The following GSG1L variants were observed in gnomAD, a reference collection of about 807,000 sequenced individuals.
The protein encoded by GSG1L is germ cell-specific gene 1-like protein.
In GSG1L, 24 loss-of-function variants were observed where a neutral mutation model predicts 42.1. The observed-to-expected ratio is 0.57, with a 90% CI of 0.41 to 0.80. The LOEUF (loss-of-function observed/expected upper bound fraction) is 0.80. Ranked by LOEUF, GSG1L falls within the 30% of genes least tolerant of loss-of-function variation. GSG1L has a pLI of 0.00. For missense variants in GSG1L, 445 were observed against 472.2 expected (o/e 0.94, Z 0.53); for synonymous variants, 215 against 203.5 (o/e 1.06, Z -0.48).
intron 6 of GSG1L, among the ~76,000 whole-genome samples, chr16:27,800,959 C>T (rs966550135): frequency 6.6e-6 from 1 of 151,696 alleles, no homozygotes; most frequent in African/African-American, 2.4e-5. Flanking sequence ...AAAGAGAACC[C>T]GGTGATATGG....
At chr16:27,836,121 A>G (rs1272492075) in intron 4 of GSG1L, among the ~76,000 whole-genome samples, 1 of 152,076 alleles carries the variant, frequency 6.6e-6, no homozygotes, top group African/African-American at 2.4e-5. Flanking sequence ...TAGAATTTTA[A>G]ATTGATAGTT....
At chr16:27,941,985 G>A (rs1176033309) in intron 2 of GSG1L, among the ~76,000 whole-genome samples, 3 of 152,096 alleles carry the variant, frequency 2.0e-5, no homozygotes, top group Non-Finnish European at 2.9e-5. Context: ...TGACTACAGA[G>A]TTTCAGTTTG....
chr16:28,038,862 G>T (rs939310284), intron 1 of GSG1L, among the ~76,000 whole-genome samples: 4 of 152,096 alleles, frequency 2.6e-5, no homozygotes, highest in African/African-American at 9.7e-5. Context: ...GTAACATTCT[G>T]CCCACCTTCA....
intron 1 of GSG1L, among the ~76,000 whole-genome samples, chr16:28,031,904 C>T (rs1423304985): frequency 6.6e-6 from 1 of 152,226 alleles, no homozygotes; most frequent in Non-Finnish European, 1.5e-5. Flanking sequence ...TTCCTAATTC[C>T]TTGCCTTGAT....
intron 6 of GSG1L, among the ~76,000 whole-genome samples, chr16:27,795,146 T>C (rs886522886): frequency 5.3e-5 from 8 of 151,596 alleles, no homozygotes; most frequent in Non-Finnish European, 1.0e-4. Context: ...CCCCAGCCCC[T>C]GGCCCAGCAC....
intron 2 of GSG1L, among the ~76,000 whole-genome samples, chr16:27,894,120 C>T (rs2084162446): frequency 6.6e-6 from 1 of 152,152 alleles, no homozygotes; most frequent in Admixed American, 6.5e-5. Context: ...GACCTTAGCT[C>T]CATCAATAAC....
intron 1 of GSG1L, among the ~76,000 whole-genome samples, chr16:27,976,938 C>A (rs112331971): frequency 2.6e-5 from 4 of 152,328 alleles, no homozygotes; most frequent in Admixed American, 2.0e-4. Context: ...CAATATCACT[C>A]ATCGTATTGT....
intron 2 of GSG1L, among the ~76,000 whole-genome samples, chr16:27,930,192 C>T (rs757669490): frequency 5.3e-5 from 8 of 152,038 alleles, no homozygotes; most frequent in Non-Finnish European, 1.0e-4. Context: ...ATAACCTCAA[C>T]GCCTTCACTT....
At chr16:27,823,142 C>T (rs2083167484) in intron 5 of GSG1L, among the ~76,000 whole-genome samples, 1 of 152,116 alleles carries the variant, frequency 6.6e-6, no homozygotes. Context: ...AGCATCTGAC[C>T]CTCCCCTTGG....
At chr16:27,801,457 C>T (rs914547628) in intron 6 of GSG1L, among the ~76,000 whole-genome samples, 11 of 152,198 alleles carry the variant, frequency 7.2e-5, no homozygotes, top group Non-Finnish European at 1.2e-4. Flanking sequence ...CCGCCTCCCC[C>T]GTTCCTCCTG....
At position 27,884,553 on chromosome 16, in the gene GSG1L, G is replaced by A; in HGVS notation, c.483C>T (p.Phe161=). 3 of 1,613,794 alleles carry A rather than the reference G, an allele frequency of 1.9e-6. No homozygotes were observed. Among genetic ancestry groups the A allele is most frequent in the Non-Finnish European group, 2.5e-6 (3 of 1,179,874 alleles). ...VGFSLMCLEL[F]HSSNVIDGLK... ...GCCCGTCGATGACATTGCTGGAGTGGAAGAGCTCGAGACACATGAGGCTGA... is the reference window on the plus strand; with the variant it reads ...GCCCGTCGATGACATTGCTGGAGTGAAAGAGCTCGAGACACATGAGGCTGA... Residue 161 remains phenylalanine (F), a synonymous_variant, in exon 3 of 7, where the codon TTC becomes TTT. Coordinates refer to ENST00000447459, the MANE Select transcript of GSG1L (RefSeq NM_001109763.2). This position sits in a 1 kb window ranked among gnomAD's most constrained non-coding sequence, Gnocchi z 4.4.
intron 1 of GSG1L, among the ~76,000 whole-genome samples, chr16:28,003,437 A>G (rs944104921): frequency 6.6e-6 from 1 of 151,468 alleles, no homozygotes; most frequent in Non-Finnish European, 1.5e-5. Context: ...CAAACATTCC[A>G]CCCCTTGTCC....
intron 2 of GSG1L, among the ~76,000 whole-genome samples, chr16:27,917,645 G>A (rs1401980451): frequency 6.6e-6 from 1 of 152,114 alleles, no homozygotes; most frequent in Admixed American, 6.6e-5. Flanking sequence ...CCAAGGCAGT[G>A]GGGAAGTATT....
intron 6 of GSG1L, among the ~76,000 whole-genome samples, chr16:27,800,423 C>A (rs1390477994): frequency 6.6e-6 from 1 of 152,176 alleles, no homozygotes; most frequent in Non-Finnish European, 1.5e-5. Flanking sequence ...ATACACCTGG[C>A]AAAATCAAAA....
intron 5 of GSG1L, among the ~76,000 whole-genome samples, chr16:27,827,124 T>A (rs1018611733): frequency 6.6e-6 from 1 of 152,208 alleles, no homozygotes; most frequent in African/African-American, 2.4e-5. Flanking sequence ...CCTAACTGCA[T>A]AGTGAAGTCT....
chr16:27,797,266 T>C lies in GSG1L; in HGVS notation c.899-5799A>G, dbSNP rs141178823. 1.2e-4 allele frequency among the ~76,000 whole-genome samples: 18 copies of C among 152,268 alleles called. No homozygotes were observed. The East Asian group carries it at 3.5e-3, about 29-fold the overall frequency. On this transcript the variant is annotated intron_variant, in intron 6 of 6. Coordinates refer to ENST00000447459, the MANE Select transcript of GSG1L (RefSeq NM_001109763.2). ...CTGCTGGGTGCAGTGGCAGTGCCTG[T>C]GATCTCAGCACTTTGGGAGGCTGAG...
chr16:27,940,348 A>G (rs2084774720), intron 2 of GSG1L, among the ~76,000 whole-genome samples: 1 of 147,060 alleles, frequency 6.8e-6, no homozygotes, highest in African/African-American at 2.5e-5. Context: ...CCATCCCATT[A>G]CTGGGTATAT....
rs118073023 is a variant in GSG1L at position 28,041,462 on chromosome 16, A to G, written c.349+21614T>C. ...GTGAGACCCTCTCTCAAAAAGAAAA[A>G]AAAAAGATACTATATCCGGATGGAG... On this transcript the variant is annotated intron_variant, in intron 1 of 6. Transcript: ENST00000447459. Among the ~76,000 whole-genome samples the G allele has an allele frequency of 4.7e-3, 713 of 152,268 alleles. 3 individuals are homozygous for G. Among genetic ancestry groups the G allele is most frequent in the Non-Finnish European group, 5.3e-3 (358 of 68,014 alleles).
intron 2 of GSG1L, among the ~76,000 whole-genome samples, chr16:27,886,461 G>A (rs1012291534): frequency 2.0e-5 from 3 of 152,122 alleles, no homozygotes; most frequent in Non-Finnish European, 4.4e-5. Flanking sequence ...AAATAAAATG[G>A]GGGTAATAAC....
Sources: allele counts gnomAD v4.1 joint callset (sites outside exome capture counted in the v4.1 genomes callset), GRCh38; gene constraint gnomAD v4.1.1; non-coding constraint Gnocchi (gnomAD v3.1); transcripts MANE v1.5; gene names NCBI Gene and HGNC (gene_info 2026-07-23, HGNC 2026-07-21).